KMT2B: variants seen among roughly 807,000 people sequenced by gnomAD.
KMT2B encodes lysine methyltransferase 2B, also known as histone-lysine N-methyltransferase 2B.
In KMT2B, 22 loss-of-function variants were observed where a neutral mutation model predicts 255.3. The ratio of observed to expected loss-of-function variants is 0.09; its 90% confidence interval spans 0.06 to 0.12. KMT2B has a LOEUF of 0.12. Among genes scored for constraint, KMT2B ranks in the 10% least tolerant of loss-of-function variants. The pLI is 1.00. For missense variants in KMT2B, 3,149 were observed against 3,737.0 expected, an observed-to-expected ratio of 0.84 and a Z score of 4.10; for synonymous variants, 1,730 against 1,498.1, an observed-to-expected ratio of 1.15 and a Z score of -3.57.
At chr19:35,731,880 AC>A in intron 26 of KMT2B, 27 bp from the exon 27 acceptor site, 1 of 1,535,448 alleles carries the variant, frequency 6.5e-7, no homozygotes, top group Non-Finnish European at 9.0e-7. Context: ...AGCCCCTACC[AC>A]CCCAATGCCA....
chr19:35,736,542 CTG>C, intron 30 of KMT2B, 146 bp from the exon 31 acceptor site: 3 of 902,258 alleles, frequency 3.3e-6, no homozygotes, highest in Non-Finnish European at 5.0e-6. Context: ...CACTGGGTAA[CTG>C]GAGCAGAAGG....
rs750952918 is a variant in KMT2B, at chr19:35,722,563, C to G, written c.2572-5C>G. 3 of 1,601,436 alleles carry G rather than the reference C, an allele frequency of 1.9e-6. No individual in the cohort carries two copies. The highest frequency in any genetic ancestry group is 2.6e-6 in the Non-Finnish European group (3 of 1,174,960). ...TGCCCACACACACTCCGATTTCTCC[C>G]CCAGGGTCCCGAGTCCCCTGTGCAA... On this transcript the variant is annotated splice_polypyrimidine_tract_variant and splice_region_variant and intron_variant, in intron 4 of 36. Coordinates refer to ENST00000420124, the MANE Select transcript of KMT2B (RefSeq NM_014727.3).
intron 19 of KMT2B, among the ~76,000 whole-genome samples, chr19:35,728,487 G>A (rs966489515): frequency 1.1e-4 from 2 of 17,562 alleles, no homozygotes; most frequent in Admixed American, 7.8e-4. Flanking sequence ...ACCAGGGGGC[G>A]GTGGGGGCCC....
rs1326806022 is a variant in KMT2B at position 35,738,743 on chromosome 19, C to G, written c.*186C>G. 1.3e-5 allele frequency: 8 copies of G among 632,322 alleles called. No individual in the cohort carries two copies. The highest frequency in any genetic ancestry group is 1.9e-5 in the Non-Finnish European group (7 of 368,400). 39.2% of individuals were successfully genotyped at this position (632,322 alleles called of 1,614,324 possible). A position where few individuals can be genotyped will look rare whatever the true frequency, so the allele number is the denominator to read the frequency against. ...CCTCCAGCCCATCCAGCAATCGCCC[C>G]CTTTCTGCCCTGGGGGCCCAGGATG... On this transcript the variant is annotated 3_prime_UTR_variant, in exon 37 of 37. Coordinates refer to ENST00000420124, the MANE Select transcript of KMT2B (RefSeq NM_014727.3). This position sits in a 1 kb window ranked among gnomAD's most constrained non-coding sequence, Gnocchi z 8.7.
At chr19:35,729,385 A>G in intron 22 of KMT2B, 89 bp downstream of exon 22, 3 of 1,481,520 alleles carry the variant, frequency 2.0e-6, no homozygotes, top group East Asian at 2.5e-5. Flanking sequence ...CACATTCCCT[A>G]CCTGGCATCC....
Position 35,723,918 on chromosome 19 carries a change from A to G in KMT2B, c.3245A>G (p.Gln1082Arg). The G allele has an allele frequency of 6.2e-7, 1 of 1,612,432 alleles. No individual in the cohort carries two copies. Among genetic ancestry groups the G allele is most frequent in the African/African-American group, 1.3e-5 (1 of 75,068 alleles). The change falls in exon 8 of 37, where the codon CAG (glutamine) becomes CGG (arginine). Residue 1082 changes from glutamine to arginine, a missense_variant. Around this residue, in one of 18 missense-constraint regions of KMT2B, gnomAD observed 136 missense variants for 137.3 expected, o/e 0.99. Coordinates refer to ENST00000420124, the MANE Select transcript of KMT2B (RefSeq NM_014727.3). This position sits in a 1 kb window ranked among gnomAD's most constrained non-coding sequence, Gnocchi z 7.5. ...QRKSARRCVKQRPSYDIFEDS... is the reference protein window; with the variant it reads ...QRKSARRCVKRRPSYDIFEDS... ...AAGTCAGCTCGGCGCTGCGTCAAAC[A>G]GCGACCCTCCTATGATATCTTCGAG...
At position 35,738,862 on chromosome 19, in the gene KMT2B, G is replaced by A. The variant is rs1353256545; in HGVS notation, c.*305G>A. 1 of 480,274 alleles carries A rather than the reference G, an allele frequency of 2.1e-6. No individual in the cohort carries two copies. The allele number at this position is 480,274 out of a possible 1,614,324, so 29.8% of individuals were successfully genotyped here. ...CAGGTGGGAACCCCCCCACAATAAA[G>A]TCTGTCAATGTTTGGAGAGGTGGTC... On this transcript the variant is annotated 3_prime_UTR_variant, in exon 37 of 37. Coordinates refer to ENST00000420124, the MANE Select transcript of KMT2B (RefSeq NM_014727.3). The surrounding 1 kb of genome is among the most constrained non-coding windows in gnomAD (Gnocchi z 8.7).
At chr19:35,730,303 A>G (rs1038019936) in intron 23 of KMT2B, 39 bp from the exon 24 acceptor site, 11 of 1,606,736 alleles carry the variant, frequency 6.8e-6, no homozygotes, top group Non-Finnish European at 8.5e-6. Flanking sequence ...CACCTCCCCC[A>G]CCAATGCAGC....
Position 35,720,950 on chromosome 19 carries a change from C to A in KMT2B, c.1603C>A (p.Arg535Ser). 1 of 1,611,962 alleles carries A rather than the reference C, an allele frequency of 6.2e-7. No individual in the cohort carries two copies. Among genetic ancestry groups the A allele is most frequent in the Non-Finnish European group, 8.5e-7 (1 of 1,179,264 alleles). The change falls in exon 3 of 37, where the codon CGC becomes AGC. Residue 535 changes from arginine (R) to serine (S), a missense_variant. Physicochemically the swap from Arg to Ser is moderately radical, Grantham distance 110. This residue lies in a region of KMT2B where 1,188 missense variants were observed against 1,106.4 expected (regional missense o/e 1.07). Transcript: ENST00000420124. ...GTTTATTATGCCTGTGGTGAGTGCC[C>A]GCTCCTCCCGTGTCATCAAGACACC... ...RQFIMPVVSA[R>S]SSRVIKTPRR...
intron 22 of KMT2B, 45 bp downstream of exon 22, chr19:35,729,341 G>A (rs1286043179): frequency 6.4e-7 from 1 of 1,556,076 alleles, no homozygotes; most frequent in East Asian, 2.4e-5. Context: ...CTGGCTCTTG[G>A]GGAGGCCTCC....
rs2146439246 is a variant in KMT2B at position 35,721,381 on chromosome 19, G to A, written c.2034G>A (p.Glu678=). 2 of 1,603,886 alleles carry A rather than the reference G, an allele frequency of 1.2e-6. No individual in the cohort carries two copies. The highest frequency in any genetic ancestry group is 1.1e-5 in the South Asian group (1 of 89,624). ...PPPLGAPEAP[E]PEPPPADDSP... Reference sequence around the variant, plus strand: ...CTCTTGGGGCTCCTGAAGCCCCTGAGCCAGAGCCTCCTCCTGCCGATGACT... The same window carrying A: ...CTCTTGGGGCTCCTGAAGCCCCTGAACCAGAGCCTCCTCCTGCCGATGACT... Residue 678 remains glutamate (E), a synonymous_variant, in exon 3 of 37, where the codon GAG becomes GAA. Coordinates refer to ENST00000420124, the MANE Select transcript of KMT2B (RefSeq NM_014727.3).
chr19:35,727,833 G>T lies in KMT2B; in HGVS notation c.4392+46G>T, dbSNP rs771344429. 6.2e-6 allele frequency: 10 copies of T among 1,613,104 alleles called. No homozygotes were observed. Among genetic ancestry groups the T allele is most frequent in the Non-Finnish European group, 8.5e-6 (10 of 1,179,232 alleles). ...AGCAGGTGGGTGGCAGGAGGAGAGG[G>T]CTGGAATTGTGCAGAGGGGACTCAG... On this transcript the variant is annotated intron_variant, in intron 17 of 36. Coordinates refer to ENST00000420124, the MANE Select transcript of KMT2B (RefSeq NM_014727.3). This position sits in a 1 kb window ranked among gnomAD's most constrained non-coding sequence, Gnocchi z 4.2.
At position 35,728,895 on chromosome 19, in the gene KMT2B, G is replaced by A. The variant is rs773212488; in HGVS notation, c.4687+6G>A. On this transcript the variant is annotated splice_donor_region_variant and intron_variant, in intron 20 of 36. Coordinates refer to ENST00000420124, the MANE Select transcript of KMT2B (RefSeq NM_014727.3). ...TCCAGGGGATCCCTCAGCAGGTACTGGGAAGTGGGGGTCCAGAAGCCAGGG... is the reference window on the plus strand; with the variant it reads ...TCCAGGGGATCCCTCAGCAGGTACTAGGAAGTGGGGGTCCAGAAGCCAGGG... 1.2e-6 allele frequency: 2 copies of A among 1,613,158 alleles called. No individual in the cohort carries two copies. The highest frequency in any genetic ancestry group is 2.2e-5 in the East Asian group (1 of 44,886).
At position 35,727,918 on chromosome 19, in the gene KMT2B, G is replaced by A. The variant is rs758281505; in HGVS notation, c.4430G>A (p.Arg1477Gln). The change falls in exon 18 of 37, where the codon CGG (arginine) becomes CAG (glutamine). Residue 1477 changes from arginine to glutamine, a missense_variant. Transcript: ENST00000420124. The surrounding 1 kb of genome is among the most constrained non-coding windows in gnomAD (Gnocchi z 4.2). ...GAGGACATGGTGGGCATCCTCATGCGGCACTCGGAGGAGGGAGAGACCCCG... is the reference window on the plus strand; with the variant it reads ...GAGGACATGGTGGGCATCCTCATGCAGCACTCGGAGGAGGGAGAGACCCCG... ...FMEDMVGILM[R>Q]HSEEGETPDR... is the part of the protein sequence containing the mutation. The A allele has an allele frequency of 4.4e-6, 7 of 1,600,410 alleles. No individual in the cohort carries two copies. Among genetic ancestry groups the A allele is most frequent in the East Asian group, 4.5e-5 (2 of 44,464 alleles).
rs745656924 is a variant in KMT2B at position 35,733,956 on chromosome 19, A to C, written c.7159+84A>C. 29 of 966,954 alleles carry C rather than the reference A, an allele frequency of 3.0e-5. No individual in the cohort carries two copies. Among genetic ancestry groups the C allele is most frequent in the Admixed American group, 8.4e-5 (4 of 47,646 alleles). The allele number at this position is 966,954 out of a possible 1,614,324, so 59.9% of individuals were successfully genotyped here. A position where few individuals can be genotyped will look rare whatever the true frequency, so the allele number is the denominator to read the frequency against. ...ACAGATGCAAAATCAGCCCTCTTTC[A>C]AAACCAGTATCTACTCCCAGGGGCC... is the stretch of plus-strand genomic sequence containing the variant. On this transcript the variant is annotated intron_variant, in intron 30 of 36. Coordinates refer to ENST00000420124, the MANE Select transcript of KMT2B (RefSeq NM_014727.3). The surrounding 1 kb of genome is among the most constrained non-coding windows in gnomAD (Gnocchi z 4.3).
At position 35,733,826 on chromosome 19, in the gene KMT2B, T is replaced by C. The variant is rs1249657057; in HGVS notation, c.7113T>C (p.Asp2371=). The C allele has an allele frequency of 1.2e-6, 2 of 1,613,770 alleles. No individual in the cohort carries two copies. The highest frequency in any genetic ancestry group is 2.2e-5 in the South Asian group (2 of 91,084). ...LPEDGPPQVP[D]GPPDLLLESQ... ...AAGATGGTCCTCCCCAGGTCCCCGA[T>C]GGTCCCCCAGACCTGCTGCTTGAGT... Residue 2371 remains aspartate, a synonymous_variant, in exon 30 of 37, where the codon GAT becomes GAC. Coordinates refer to ENST00000420124, the MANE Select transcript of KMT2B (RefSeq NM_014727.3). This position sits in a 1 kb window ranked among gnomAD's most constrained non-coding sequence, Gnocchi z 4.3.
rs1165953081 is a variant in KMT2B, at chr19:35,732,859, C to G, written c.6310C>G (p.Arg2104Gly). 6.2e-7 allele frequency: 1 copy of G among 1,609,390 alleles called. No individual in the cohort carries two copies. Among genetic ancestry groups the G allele is most frequent in the Non-Finnish European group, 8.5e-7 (1 of 1,178,554 alleles). ...GVLGAAGDRA[R>G]PPEDLPSEIV... ...CCTTGGGGCTGCAGGGGACAGGGCC[C>G]GGCCTCCTGAGGACCTGCCATCGGA... The change falls in exon 28 of 37, where the codon CGG becomes GGG. Residue 2104 changes from arginine to glycine, a missense_variant. This residue lies in a region of KMT2B where 897 missense variants were observed against 825.3 expected (regional missense o/e 1.09). Coordinates refer to ENST00000420124, the MANE Select transcript of KMT2B (RefSeq NM_014727.3).
At position 35,733,474 on chromosome 19, in the gene KMT2B, G is replaced by A; in HGVS notation, c.6925G>A (p.Asp2309Asn). Reference protein sequence around the residue: ...RLDEDGEASEDTPQVPGLGSG... With the variant: ...RLDEDGEASENTPQVPGLGSG... ...GGATGAAGATGGAGAGGCCTCAGAG[G>A]ATACCCCTCAGGTTCCAGGGCTTGG... The change falls in exon 28 of 37, where the codon GAT becomes AAT. Residue 2309 changes from aspartate (D) to asparagine (N), a missense_variant. Physicochemically the swap from Asp to Asn is conservative, Grantham distance 23 (BLOSUM62 1). Around this residue, in one of 18 missense-constraint regions of KMT2B, gnomAD observed 897 missense variants for 825.3 expected, o/e 1.09. Transcript: ENST00000420124. This position sits in a 1 kb window ranked among gnomAD's most constrained non-coding sequence, Gnocchi z 4.3. 6.4e-7 allele frequency: 1 copy of A among 1,564,738 alleles called. No homozygotes were observed.
chr19:35,736,497 C>T (rs1969922149), intron 30 of KMT2B, 193 bp from the exon 31 acceptor site: 2 of 646,228 alleles, frequency 3.1e-6, no homozygotes, highest in Non-Finnish European at 5.2e-6. Context: ...GAGCCGCAGG[C>T]TCCTTAGGGG....
Sources: allele counts gnomAD v4.1 joint callset (sites outside exome capture counted in the v4.1 genomes callset), GRCh38; gene constraint gnomAD v4.1.1; regional missense constraint gnomAD v4.1.1; non-coding constraint Gnocchi (gnomAD v3.1); transcripts MANE v1.5; gene names NCBI Gene and HGNC (gene_info 2026-07-23, HGNC 2026-07-21).